SLC35F6: variants seen among roughly 807,000 people sequenced by gnomAD.
The protein encoded by SLC35F6 is ANT2-binding protein.
A neutral mutation model predicts 29.4 loss-of-function variants in SLC35F6; 26 were observed. The observed-to-expected ratio is 0.89, with a 90% CI of 0.65 to 1.23. The LOEUF (loss-of-function observed/expected upper bound fraction) is 1.23. Among genes scored for constraint, SLC35F6 ranks in the 50% most tolerant of loss-of-function variants. SLC35F6 has a pLI of 0.00. For missense variants in SLC35F6, 428 were observed against 487.8 expected (o/e 0.88, Z 1.15); for synonymous variants, 174 against 206.6 (o/e 0.84, Z 1.35).
In SLC35F6 at chr2:26,776,394, C is replaced by T; in HGVS notation, c.558C>T (p.Ala186=). ...VITGDLLIIM[A]QIIVAIQMVL... ...CAGGGGACCTGTTGATCATCATGGC[C>T]CAGATCATCGTTGCCATCCAGATGG... Residue 186 remains alanine, a synonymous_variant, in exon 5 of 6, where the codon GCC becomes GCT. Transcript: ENST00000344420. The T allele has an allele frequency of 6.2e-7, 1 of 1,614,128 alleles. No individual in the cohort carries two copies. Among genetic ancestry groups the T allele is most frequent in the African/African-American group, 1.3e-5 (1 of 75,050 alleles).
At chr2:26,774,388 A>G (rs529383256) in intron 2 of SLC35F6, 65 bp downstream of exon 2, 1 of 1,579,704 alleles carries the variant, frequency 6.3e-7, no homozygotes, top group South Asian at 1.1e-5. Flanking sequence ...ACCCCCGGCC[A>G]TGAGGCCAGG....
intron 1 of SLC35F6, 74 bp downstream of exon 1, chr2:26,764,500 C>T: frequency 6.6e-7 from 1 of 1,516,526 alleles, no homozygotes; most frequent in Non-Finnish European, 9.0e-7. Context: ...CCCTTCTTGG[C>T]CCTGCCCTCC....
chr2:26,768,764 T>G lies in SLC35F6; in HGVS notation c.77+4338T>G, dbSNP rs995163815. Among the ~76,000 whole-genome samples the G allele has an allele frequency of 1.1e-4, 16 of 150,450 alleles. No individual in the cohort carries two copies. In the South Asian group the frequency reaches 1.3e-3, roughly 12 times the overall value. The stretch of plus-strand genomic sequence containing the variant: ...CTTGAGCCATCCTCCCACCTCAGCC[T>G]CCCAAGTAGATGGGACCACAGACAC... On this transcript the variant is annotated intron_variant, in intron 1 of 5. Coordinates refer to ENST00000344420, the MANE Select transcript of SLC35F6 (RefSeq NM_017877.4).
chr2:26,768,178 C>A (rs1198702224), intron 1 of SLC35F6, among the ~76,000 whole-genome samples: 2 of 152,132 alleles, frequency 1.3e-5, no homozygotes, highest in African/African-American at 4.8e-5. Context: ...GTTGTTGGGC[C>A]AGCTTGTGGA....
At position 26,778,381 on chromosome 2, in the gene SLC35F6, G is replaced by A; in HGVS notation, c.986G>A (p.Gly329Asp). 4 of 1,614,100 alleles carry A rather than the reference G, an allele frequency of 2.5e-6. No homozygotes were observed. Among genetic ancestry groups the A allele is most frequent in the Non-Finnish European group, 3.4e-6 (4 of 1,180,010 alleles). ...QILGFLILLI[G>D]TALYNGLHRP... ...CTTGGCTTCCTCATACTCCTTATAG[G>A]CACTGCCCTCTACAATGGGCTACAC... The change falls in exon 6 of 6, where the codon GGC (glycine) becomes GAC (aspartate). Residue 329 changes from glycine (G) to aspartate (D), a missense_variant. Physicochemically the swap from Gly to Asp is moderately conservative, Grantham distance 94. Transcript: ENST00000344420.
intron 1 of SLC35F6, among the ~76,000 whole-genome samples, chr2:26,769,341 C>T (rs973464315): frequency 2.0e-5 from 3 of 152,230 alleles, no homozygotes; most frequent in Non-Finnish European, 4.4e-5. Context: ...AGCTTGTCCC[C>T]GCTAGGACCC....
rs1267779141 is a variant in SLC35F6, at chr2:26,779,468, C to A, written c.*957C>A. On this transcript the variant is annotated 3_prime_UTR_variant, in exon 6 of 6. Coordinates refer to ENST00000344420, the MANE Select transcript of SLC35F6 (RefSeq NM_017877.4). The stretch of plus-strand genomic sequence containing the variant: ...CCAACCTGAGAAAACAGTAACAGCC[C>A]ATCCACTGGAAATACCCCTCTGCCC... The A allele has an allele frequency of 6.6e-6, 1 of 152,230 alleles. No homozygotes were observed. Among genetic ancestry groups the A allele is most frequent in the Non-Finnish European group, 1.5e-5 (1 of 68,078 alleles). The allele number at this position is 152,230 out of a possible 1,614,324, so 9.4% of individuals were successfully genotyped here.
In SLC35F6 at chr2:26,775,675, A is replaced by G. The variant is rs1558293908; in HGVS notation, c.534A>G (p.Thr178=). Residue 178 remains threonine (T), a splice_region_variant and synonymous_variant, in exon 4 of 6, where the codon ACA becomes ACG. Transcript: ENST00000344420. The surrounding 1 kb of genome is among the most constrained non-coding windows in gnomAD (Gnocchi z 4.6). The part of the protein sequence containing the change: ...DSQHKLSEVI[T]GDLLIIMAQI... ...AGCACAAGCTCAGCGAAGTGATCAC[A>G]GGTGCGGCCAGGGGCAGGGACACGG... The G allele has an allele frequency of 2.6e-6, 4 of 1,567,376 alleles. No homozygotes were observed. The highest frequency in any genetic ancestry group is 3.4e-6 in the Non-Finnish European group (4 of 1,160,040).
chr2:26,765,917 G>A (rs906678586), intron 1 of SLC35F6, among the ~76,000 whole-genome samples: 2 of 152,336 alleles, frequency 1.3e-5, no homozygotes, highest in Middle Eastern at 3.4e-3. Flanking sequence ...CTTAGAGAGC[G>A]GTTGTAAGTC....
At chr2:26,769,491 G>A (rs1664155361) in intron 1 of SLC35F6, among the ~76,000 whole-genome samples, 1 of 152,256 alleles carries the variant, frequency 6.6e-6, no homozygotes, top group African/African-American at 2.4e-5. Context: ...GCATCAGGGA[G>A]GGGGCGCATG....
intron 1 of SLC35F6, among the ~76,000 whole-genome samples, chr2:26,770,495 A>C (rs1664178261): frequency 6.6e-6 from 1 of 152,138 alleles, no homozygotes; most frequent in South Asian, 2.1e-4. Context: ...ATACGGGTGG[A>C]TCACTTGAGG....
chr2:26,764,568 A>C, intron 1 of SLC35F6, 142 bp downstream of exon 1: 2 of 1,107,886 alleles, frequency 1.8e-6, no homozygotes, highest in Non-Finnish European at 1.3e-6. Context: ...TGACCACCCA[A>C]GGGATGCGAG....
At chr2:26,776,517 G>A (rs1664303664) in intron 5 of SLC35F6, 35 bp downstream of exon 5, 2 of 1,592,292 alleles carry the variant, frequency 1.3e-6, no homozygotes, top group South Asian at 2.2e-5. Context: ...AAGGAGTGGG[G>A]TAGAAGGGAG....
rs756653621 is a variant in SLC35F6 at position 26,778,458 on chromosome 2, G to A, written c.1063G>A (p.Glu355Lys). ...SRGRPLAEES[E>K]QERLLGGTRT... ...GGGCCGGCCCCTGGCAGAGGAGAGC[G>A]AGCAGGAGAGACTGCTGGGTGGCAC... Residue 355 changes from glutamate (E) to lysine (K), a missense_variant, in exon 6 of 6, where the codon GAG (glutamate) becomes AAG (lysine). Glu to Lys is a moderately conservative substitution (Grantham distance 56). Coordinates refer to ENST00000344420, the MANE Select transcript of SLC35F6 (RefSeq NM_017877.4). The A allele has an allele frequency of 7.4e-6, 12 of 1,613,624 alleles. No homozygotes were observed. The highest frequency in any genetic ancestry group is 5.0e-5 in the Admixed American group (3 of 59,980).
At position 26,778,044 on chromosome 2, in the gene SLC35F6, C is replaced by T. The variant is rs1006378175; in HGVS notation, c.649C>T (p.Leu217Phe). 1 of 1,609,998 alleles carries T rather than the reference C, an allele frequency of 6.2e-7. No individual in the cohort carries two copies. The highest frequency in any genetic ancestry group is 8.5e-7 in the Non-Finnish European group (1 of 1,177,012). ...HPLRAVGTEGLFGFVILSLLL... is the reference protein window; with the variant it reads ...HPLRAVGTEGFFGFVILSLLL... ...TAACTGTTTCCTCTACTCCCCAGGC[C>T]TCTTTGGCTTTGTGATCCTCTCCCT... is the stretch of plus-strand genomic sequence containing the variant. Residue 217 changes from leucine (L) to phenylalanine (F), a missense_variant and splice_region_variant, in exon 6 of 6, where the codon CTC becomes TTC. Transcript: ENST00000344420.
chr2:26,775,688 G>T lies in SLC35F6; in HGVS notation c.535+12G>T, dbSNP rs1223365808. On this transcript the variant is annotated intron_variant, in intron 4 of 5. Transcript: ENST00000344420. The surrounding 1 kb of genome is among the most constrained non-coding windows in gnomAD (Gnocchi z 4.6). ...CGAAGTGATCACAGGTGCGGCCAGG[G>T]GCAGGGACACGGGGCTGCCCTATCC... is the stretch of plus-strand genomic sequence containing the variant. The T allele has an allele frequency of 3.9e-6, 6 of 1,555,952 alleles. No homozygotes were observed. Among genetic ancestry groups the T allele is most frequent in the Non-Finnish European group, 5.2e-6 (6 of 1,154,294 alleles).
Position 26,775,595 on chromosome 2 carries a change from A to C in SLC35F6, c.454A>C (p.Ile152Leu). The change falls in exon 4 of 6, where the codon ATC becomes CTC. Residue 152 changes from isoleucine to leucine, a missense_variant. Physicochemically the swap from Ile to Leu is conservative, Grantham distance 5 (BLOSUM62 2). Transcript: ENST00000344420. This position sits in a 1 kb window ranked among gnomAD's most constrained non-coding sequence, Gnocchi z 4.6. ...CCAGTGGCTGGGCATCCTAGCCACC[A>C]TCGCGGGGCTGGTGGTCGTGGGCCT... The part of the protein sequence containing the change: ...LSQWLGILAT[I>L]AGLVVVGLAD... 6.2e-7 allele frequency: 1 copy of C among 1,608,148 alleles called. No individual in the cohort carries two copies. Among genetic ancestry groups the C allele is most frequent in the Non-Finnish European group, 8.5e-7 (1 of 1,179,322 alleles).
chr2:26,764,762 G>A, intron 1 of SLC35F6: 1 of 981,978 alleles, frequency 1.0e-6, no homozygotes, highest in South Asian at 4.7e-5. Flanking sequence ...AGCTGGGAGA[G>A]ACCCCTGGAC....
chr2:26,778,544 G>T lies in SLC35F6; in HGVS notation c.*33G>T, dbSNP rs981259017. On this transcript the variant is annotated 3_prime_UTR_variant, in exon 6 of 6. Transcript: ENST00000344420. ...TGGAGGCTTCTACTGCCACCCGGGT[G>T]CTCCTTCTCCCTGAGACTGAGGCCA... 4 of 1,535,596 alleles carry T rather than the reference G, an allele frequency of 2.6e-6. No individual in the cohort carries two copies. The highest frequency in any genetic ancestry group is 3.5e-6 in the Non-Finnish European group (4 of 1,145,160).
Sources: allele counts gnomAD v4.1 joint callset (sites outside exome capture counted in the v4.1 genomes callset), GRCh38; gene constraint gnomAD v4.1.1; non-coding constraint Gnocchi (gnomAD v3.1); transcripts MANE v1.5; gene names NCBI Gene and HGNC (gene_info 2026-07-23, HGNC 2026-07-21).